The following ZMYM2 variants were observed in gnomAD, a reference collection of about 807,000 sequenced individuals.
The protein encoded by ZMYM2 is zinc finger MYM-type protein 2.
In ZMYM2, 56 loss-of-function variants were observed where a neutral mutation model predicts 162.8. That is an observed-to-expected ratio of 0.34 (90% CI 0.28 to 0.43). The LOEUF (loss-of-function observed/expected upper bound fraction) is 0.43. Ranked by LOEUF, ZMYM2 falls within the 20% of genes least tolerant of loss-of-function variation. ZMYM2 has a pLI of 1.00. For synonymous variants in ZMYM2, 510 were observed against 541.6 expected (o/e 0.94, Z 0.81); for missense variants, 1,275 against 1,621.8 (o/e 0.79, Z 3.67).
At chr13:20,015,817 A>C (rs76709166) in intron 6 of ZMYM2, among the ~76,000 whole-genome samples, 1,539 of 151,950 alleles carry the variant, frequency 0.01, 14 homozygotes, top group Middle Eastern at 0.034. Flanking sequence ...GTTACTGTTT[A>C]TTTGTGTGGA....
chr13:20,006,248 A>AAAT (rs1181853441), intron 5 of ZMYM2, 126 bp from the exon 6 acceptor site: 5 of 553,850 alleles, frequency 9.0e-6, no homozygotes, highest in South Asian at 4.4e-5. Context: ...AAAAAAAAAA[A>AAAT]TTTTTTTTTT....
At chr13:19,992,087 A>G (rs1949673655) in intron 2 of ZMYM2, among the ~76,000 whole-genome samples, 1 of 152,168 alleles carries the variant, frequency 6.6e-6, no homozygotes, top group Non-Finnish European at 1.5e-5. Context: ...GGGACCTGAT[A>G]TCTTTGGTGA....
At position 20,051,516 on chromosome 13, in the gene ZMYM2, TC is replaced by T; in HGVS notation, c.2377del (p.Gln793AsnfsTer16). On this transcript the variant is annotated frameshift_variant, in exon 13 of 25. Coordinates refer to ENST00000610343, the MANE Select transcript of ZMYM2 (RefSeq NM_197968.4). LOFTEE classifies it high-confidence loss of function. The part of the protein sequence containing the change: ...WRGEMKHFCD[Q>X]HCLLRFYCQQ... Reference sequence around the variant, plus strand: ...GTGGGGAAATGAAACATTTCTGTGATCAACATTGCTTACTGCGTTTCTACTG... The same window carrying T: ...GTGGGGAAATGAAACATTTCTGTGATAACATTGCTTACTGCGTTTCTACTG... 6.2e-7 allele frequency: 1 copy of T among 1,613,662 alleles called. No individual in the cohort carries two copies. The highest frequency in any genetic ancestry group is 8.5e-7 in the Non-Finnish European group (1 of 1,179,644).
chr13:19,985,906 C>T (rs569401518), intron 2 of ZMYM2, among the ~76,000 whole-genome samples: 73 of 150,858 alleles, frequency 4.8e-4, no homozygotes, highest in Non-Finnish European at 8.3e-4. Context: ...GTAAAAAAGC[C>T]GGGTGTGATA....
At chr13:19,938,512 T>C in the ZMYM2 span, among the ~76,000 whole-genome samples, 1 of 152,118 alleles carries the variant, frequency 6.6e-6, no homozygotes, top group Non-Finnish European at 1.5e-5. Flanking sequence ...AATAAATAAG[T>C]AAATAAGTAT....
chr13:19,915,350 C>T, the ZMYM2 span, among the ~76,000 whole-genome samples: 1 of 152,166 alleles, frequency 6.6e-6, no homozygotes, highest in South Asian at 2.1e-4. Context: ...GCACCTCAGC[C>T]TCCCAAAGTG....
At chr13:20,011,914 A>G (rs1338550386) in intron 6 of ZMYM2, among the ~76,000 whole-genome samples, 3 of 151,442 alleles carry the variant, frequency 2.0e-5, no homozygotes, top group Admixed American at 1.3e-4. Flanking sequence ...ATGCCCAGCT[A>G]TTTTTTTGTA....
At chr13:20,042,915 G>C (rs1378549332) in intron 12 of ZMYM2, among the ~76,000 whole-genome samples, 2 of 151,884 alleles carry the variant, frequency 1.3e-5, no homozygotes, top group African/African-American at 4.8e-5. Flanking sequence ...GTAGAGATGG[G>C]GTTTCACCAT....
chr13:19,928,066 C>T, the ZMYM2 span, among the ~76,000 whole-genome samples: 3 of 152,120 alleles, frequency 2.0e-5, no homozygotes, highest in Non-Finnish European at 4.4e-5. Flanking sequence ...AGTGCAGTGG[C>T]AAGATCATGG....
chr13:20,078,119 A>G (rs750178594), intron 21 of ZMYM2, among the ~76,000 whole-genome samples: 4 of 152,034 alleles, frequency 2.6e-5, no homozygotes, highest in African/African-American at 4.8e-5. Flanking sequence ...GCACCTGGCC[A>G]GTTTTAAGTA....
At chr13:19,883,095 TACA>T in the ZMYM2 span, among the ~76,000 whole-genome samples, 10 of 152,306 alleles carry the variant, frequency 6.6e-5, no homozygotes, top group South Asian at 1.2e-3. Flanking sequence ...TTATGTATGC[TACA>T]ACATGAATGA....
chr13:19,986,579 A>G (rs1345256932), intron 2 of ZMYM2, among the ~76,000 whole-genome samples: 2 of 152,042 alleles, frequency 1.3e-5, no homozygotes, highest in African/African-American at 4.8e-5. Context: ...AAATTTGAAA[A>G]AAAAATTTTT....
At chr13:19,874,706 A>G in the ZMYM2 span, among the ~76,000 whole-genome samples, 1 of 151,528 alleles carries the variant, frequency 6.6e-6, no homozygotes, top group Non-Finnish European at 1.5e-5. Context: ...AATGTTTGCC[A>G]TGTAAGAAAA....
At chr13:19,959,601 A>T (rs540155298) in intron 1 of ZMYM2, among the ~76,000 whole-genome samples, 2 of 152,072 alleles carry the variant, frequency 1.3e-5, no homozygotes, top group Non-Finnish European at 2.9e-5. Context: ...TGGTACTTGG[A>T]GTGACGGGGA....
At chr13:20,060,964 AAG>A (rs1358745048) in intron 16 of ZMYM2, 87 bp from the exon 17 acceptor site, 12 of 1,269,272 alleles carry the variant, frequency 9.5e-6, no homozygotes, top group Non-Finnish European at 1.3e-5. Flanking sequence ...TGATATTACA[AAG>A]TAGATCATGT....
At chr13:20,000,212 T>G (rs1468610675) in intron 3 of ZMYM2, among the ~76,000 whole-genome samples, 1 of 152,136 alleles carries the variant, frequency 6.6e-6, no homozygotes, top group African/African-American at 2.4e-5. Context: ...CGCTAACTCT[T>G]TTTCAGTTTT....
Position 19,969,713 on chromosome 13 carries a change from TAAA to T in ZMYM2, c.-11+9690_-11+9692del, listed in dbSNP as rs533269244. 2.1e-4 allele frequency among the ~76,000 whole-genome samples: 32 copies of T among 152,306 alleles called. No homozygotes were observed. The East Asian group carries it at 5.2e-3, about 25-fold the overall frequency. ...TTTATTTACTAGATAATTTAAAAAA[TAAA>T]AAGCTATTGAATTGTAAGTGATAAG... On this transcript the variant is annotated intron_variant, in intron 2 of 24. Coordinates refer to ENST00000610343, the MANE Select transcript of ZMYM2 (RefSeq NM_197968.4).
At chr13:19,864,147 C>A in the ZMYM2 span, 1 of 153,030 alleles carries the variant, frequency 6.5e-6, no homozygotes, top group East Asian at 1.9e-4. Context: ...CTTGAAGGCC[C>A]CCAAGAGGGG....
At chr13:19,950,755 G>A in the ZMYM2 span, among the ~76,000 whole-genome samples, 1 of 152,192 alleles carries the variant, frequency 6.6e-6, no homozygotes, top group Non-Finnish European at 1.5e-5. Context: ...ACTCAGTACA[G>A]AAATTCACTA....
Sources: gnomAD v4.1 joint callset for allele counts (sites outside exome capture counted in the v4.1 genomes callset) on GRCh38, gnomAD v4.1.1 for gene constraint, MANE v1.5 for transcripts, NCBI Gene and HGNC (gene_info 2026-07-23, HGNC 2026-07-21) for gene names.